Variants in GPR180 observed in about 807,000 individuals in gnomAD.
GPR180 encodes G protein-coupled receptor 180, also known as integral membrane protein GPR180.
A neutral mutation model predicts 52.6 loss-of-function variants in GPR180; 53 were observed. The ratio of observed to expected loss-of-function variants is 1.01; its 90% CI spans 0.81 to 1.27. The LOEUF (loss-of-function observed/expected upper bound fraction) is 1.27. GPR180 is among the 50% of genes most tolerant of loss of function. GPR180 has a pLI of 0.00. For synonymous variants in GPR180, 200 were observed against 193.1 expected (o/e 1.04, Z -0.30); for missense variants, 533 against 527.0 (o/e 1.01, Z -0.11).
chr13:94,631,457 T>A lies in GPR180; in HGVS notation c.*4286T>A, dbSNP rs1191778284. ...CCCTGATTAACCATACCATCCTACCTAATGCTATTCCCCCATCCTAGTTCT... is the reference window on the plus strand; with the variant it reads ...CCCTGATTAACCATACCATCCTACCAAATGCTATTCCCCCATCCTAGTTCT... On this transcript the variant is annotated 3_prime_UTR_variant, in exon 9 of 9. Coordinates refer to ENST00000376958, the MANE Select transcript of GPR180 (RefSeq NM_180989.6). 2 of 151,838 alleles carry A rather than the reference T, an allele frequency of 1.3e-5. No homozygotes were observed. The highest frequency in any genetic ancestry group is 2.9e-5 in the Non-Finnish European group (2 of 67,994). 9.4% of individuals were successfully genotyped at this position (151,838 alleles called of 1,614,324 possible). A position where few individuals can be genotyped will look rare whatever the true frequency, so the allele number is the denominator to read the frequency against.
intron 2 of GPR180, among the ~76,000 whole-genome samples, chr13:94,606,988 T>C (rs778737167): frequency 6.6e-6 from 1 of 152,222 alleles, no homozygotes; most frequent in Non-Finnish European, 1.5e-5. Flanking sequence ...AAAGGTCATG[T>C]CCTTCAGTTC....
chr13:94,621,487 G>A (rs977148357), intron 6 of GPR180, among the ~76,000 whole-genome samples: 6 of 152,064 alleles, frequency 3.9e-5, no homozygotes, highest in Non-Finnish European at 7.4e-5. Context: ...CTGAATTTGA[G>A]CTCCTATCAG....
chr13:94,616,124 T>G (rs1367392317), intron 3 of GPR180, among the ~76,000 whole-genome samples: 6 of 152,200 alleles, frequency 3.9e-5, no homozygotes, highest in Admixed American at 1.3e-4. Flanking sequence ...TCTAGATGAT[T>G]GCAATATTCA....
intron 6 of GPR180, among the ~76,000 whole-genome samples, chr13:94,621,664 TG>T (rs1356060399): frequency 6.6e-6 from 1 of 152,178 alleles, no homozygotes; most frequent in Non-Finnish European, 1.5e-5. Context: ...TTGGCTGCTT[TG>T]TACGTAAAAG....
rs748008069 is a variant in GPR180 at position 94,619,529 on chromosome 13, T to C, written c.736+12T>C. The C allele has an allele frequency of 1.9e-6, 3 of 1,607,736 alleles. No homozygotes were observed. The highest frequency in any genetic ancestry group is 2.2e-5 in the East Asian group (1 of 44,828). ...AAGTTTGGCAGAATGTGAGTATCTTTCTGAGCATTTTTTAAAAAGCTTTTA... is the reference window on the plus strand; with the variant it reads ...AAGTTTGGCAGAATGTGAGTATCTTCCTGAGCATTTTTTAAAAAGCTTTTA... On this transcript the variant is annotated intron_variant, in intron 5 of 8. Coordinates refer to ENST00000376958, the MANE Select transcript of GPR180 (RefSeq NM_180989.6).
At chr13:94,609,023 T>C (rs1889669376) in intron 2 of GPR180, among the ~76,000 whole-genome samples, 1 of 152,244 alleles carries the variant, frequency 6.6e-6, no homozygotes, top group South Asian at 2.1e-4. Flanking sequence ...GATGAGTTTA[T>C]GTATTTCTAT....
chr13:94,614,916 C>T (rs936686555), intron 3 of GPR180, among the ~76,000 whole-genome samples: 2 of 152,140 alleles, frequency 1.3e-5, no homozygotes, highest in African/African-American at 4.8e-5. Flanking sequence ...AAGCGTCCAG[C>T]CTTGTTATGT....
At chr13:94,602,444 CTG>C in intron 1 of GPR180, among the ~76,000 whole-genome samples, 1 of 151,064 alleles carries the variant, frequency 6.6e-6, no homozygotes, top group Non-Finnish European at 1.5e-5. Flanking sequence ...CTCGGCCACA[CTG>C]TGACGGGAGA....
At chr13:94,604,944 A>G (rs1006745855) in intron 1 of GPR180, among the ~76,000 whole-genome samples, 5 of 152,238 alleles carry the variant, frequency 3.3e-5, no homozygotes, top group African/African-American at 4.8e-5. Flanking sequence ...ACCCCAGAAC[A>G]CATACATTTA....
At chr13:94,618,430 T>TTTTTTTTTTTTTTTTTTTTTTTTTG in intron 3 of GPR180, among the ~76,000 whole-genome samples, 1 of 143,014 alleles carries the variant, frequency 7.0e-6, no homozygotes, top group African/African-American at 2.7e-5. Context: ...ATTTTTTTTT[T>TTTTTTTTTTTTTTTTTTTTTTTTTG]TTTTTTTTTT....
In GPR180 at chr13:94,628,610, G is replaced by A. The variant is rs1889956788; in HGVS notation, c.*1439G>A. On this transcript the variant is annotated 3_prime_UTR_variant, in exon 9 of 9. Coordinates refer to ENST00000376958, the MANE Select transcript of GPR180 (RefSeq NM_180989.6). ...TGACTAGTATTCTGCCTCATTTTCA[G>A]GGCAGAATATGTGTTTGTGACCCAA... 1 of 151,792 alleles carries A rather than the reference G, an allele frequency of 6.6e-6. No homozygotes were observed. Among genetic ancestry groups the A allele is most frequent in the African/African-American group, 2.4e-5 (1 of 41,328 alleles). The allele number at this position is 151,792 out of a possible 1,614,324, so 9.4% of individuals were successfully genotyped here.
chr13:94,624,556 C>T (rs1889897169), intron 7 of GPR180, among the ~76,000 whole-genome samples: 1 of 152,162 alleles, frequency 6.6e-6, no homozygotes, highest in Non-Finnish European at 1.5e-5. Context: ...TCTTATTTTG[C>T]TTTTTTCGTT....
At chr13:94,619,399 A>G in intron 4 of GPR180, 69 bp downstream of exon 4, 2 of 1,601,664 alleles carry the variant, frequency 1.2e-6, no homozygotes, top group South Asian at 2.2e-5. Flanking sequence ...CACCAAAATT[A>G]TGCTTGCTTT....
chr13:94,621,269 A>G (rs776779677), intron 6 of GPR180, 34 bp downstream of exon 6: 2 of 1,475,842 alleles, frequency 1.4e-6, no homozygotes, highest in Non-Finnish European at 1.8e-6. Flanking sequence ...CTGCTTAGTA[A>G]TCCTCAGAAA....
chr13:94,613,770 G>GA (rs1401168312), intron 3 of GPR180, among the ~76,000 whole-genome samples: 3 of 151,714 alleles, frequency 2.0e-5, no homozygotes, highest in African/African-American at 7.3e-5. Context: ...TCTTTTTAAA[G>GA]ATGCCAACTT....
intron 1 of GPR180, among the ~76,000 whole-genome samples, chr13:94,603,661 G>T (rs562754156): frequency 1.3e-5 from 2 of 152,040 alleles, no homozygotes; most frequent in Non-Finnish European, 2.9e-5. Context: ...TAAGAGACTT[G>T]CACATTCTTT....
rs1185752505 is a variant in GPR180, at chr13:94,603,994, C to CT, written c.146-1394dup. 2.0e-5 allele frequency among the ~76,000 whole-genome samples: 3 copies of CT among 152,062 alleles called. No individual in the cohort carries two copies. The East Asian group carries it at 5.8e-4, about 29-fold the overall frequency. Reference sequence around the variant, plus strand: ...GTGGCTCCTGCCTGTAATCCCACCACTTTGGGAGGCAGAGGTGGGCAGATC... The same window carrying CT: ...GTGGCTCCTGCCTGTAATCCCACCACTTTTGGGAGGCAGAGGTGGGCAGATC... On this transcript the variant is annotated intron_variant, in intron 1 of 8. Transcript: ENST00000376958.
chr13:94,606,548 A>G (rs767967953), intron 2 of GPR180, among the ~76,000 whole-genome samples: 3 of 152,240 alleles, frequency 2.0e-5, no homozygotes, highest in Non-Finnish European at 4.4e-5. Flanking sequence ...TGTAGAAGAC[A>G]TTAGAAATTT....
intron 1 of GPR180, among the ~76,000 whole-genome samples, chr13:94,602,295 G>A (rs1268499545): frequency 6.6e-6 from 1 of 152,126 alleles, no homozygotes; most frequent in African/African-American, 2.4e-5. Context: ...GCGGCCTCTC[G>A]CCACTAGTGA....
Sources: gnomAD v4.1 joint callset for allele counts (sites outside exome capture counted in the v4.1 genomes callset) on GRCh38, gnomAD v4.1.1 for gene constraint, MANE v1.5 for transcripts, NCBI Gene and HGNC (gene_info 2026-07-23, HGNC 2026-07-21) for gene names.